The following PRKCI variants were observed in gnomAD, a reference collection of about 807,000 sequenced individuals.
PRKCI encodes protein kinase C iota, also known as protein kinase C iota type.
Under a neutral mutation model 84.0 loss-of-function variants are expected in PRKCI, and 43 were observed. The observed-to-expected ratio is 0.51, with a 90% confidence interval of 0.40 to 0.66. PRKCI has a LOEUF of 0.66. Ranked by LOEUF, PRKCI falls within the 30% of genes least tolerant of loss-of-function variation. The probability of loss-of-function intolerance (pLI) is 0.00; values close to 1 mark genes in which losing one functional copy is unlikely to be tolerated. For missense variants in PRKCI, 459 were observed against 745.6 expected (o/e 0.62, Z 4.48); for synonymous variants, 216 against 234.4 (o/e 0.92, Z 0.72).
At position 170,267,989 on chromosome 3, in the gene PRKCI, C is replaced by T. The variant is rs1733906236; in HGVS notation, c.439C>T (p.Arg147Cys). The T allele has an allele frequency of 1.2e-6, 2 of 1,611,234 alleles. No individual in the cohort carries two copies. The highest frequency in any genetic ancestry group is 1.7e-5 in the Admixed American group (1 of 59,962). Residue 147 changes from arginine (R) to cysteine (C), a missense_variant, in exon 5 of 18, where the codon CGT (arginine) becomes TGT (cysteine). Coordinates refer to ENST00000295797, the MANE Select transcript of PRKCI (RefSeq NM_002740.6). ...CAATGGCCACACTTTCCAAGCCAAG[C>T]GTTTCAACAGGGTAAACATAGTTTG... is the stretch of plus-strand genomic sequence containing the variant. ...CANGHTFQAK[R>C]FNRRAHCAIC...
intron 2 of PRKCI, among the ~76,000 whole-genome samples, chr3:170,242,597 C>T (rs1279425408): frequency 1.3e-5 from 2 of 151,808 alleles, no homozygotes; most frequent in Admixed American, 6.6e-5. Flanking sequence ...AGAACTTATA[C>T]ATTATGAATT....
At chr3:170,235,874 T>G (rs1732961692) in intron 2 of PRKCI, among the ~76,000 whole-genome samples, 1 of 152,018 alleles carries the variant, frequency 6.6e-6, no homozygotes. Context: ...CTAACTTGAC[T>G]TTTTTAAGCA....
chr3:170,280,803 G>A (rs1350728308), intron 9 of PRKCI, among the ~76,000 whole-genome samples: 1 of 152,014 alleles, frequency 6.6e-6, no homozygotes, highest in African/African-American at 2.4e-5. Flanking sequence ...ATCTCATTCT[G>A]CTTTTCTAAA....
chr3:170,304,992 T>G lies in PRKCI; in HGVS notation c.*1865T>G, dbSNP rs1371370478. On this transcript the variant is annotated 3_prime_UTR_variant, in exon 18 of 18. Transcript: ENST00000295797. Reference sequence around the variant, plus strand: ...CTCTTTCCTTCAAATAACATAAGTCTGAAAGCAATGAAAACGTCAAAGGAA... The same window carrying G: ...CTCTTTCCTTCAAATAACATAAGTCGGAAAGCAATGAAAACGTCAAAGGAA... 6.6e-6 allele frequency: 1 copy of G among 152,194 alleles called. No individual in the cohort carries two copies. 9.4% of individuals were successfully genotyped at this position (152,194 alleles called of 1,614,324 possible).
chr3:170,270,800 TCTG>T (rs1384311326), intron 6 of PRKCI, among the ~76,000 whole-genome samples: 1 of 152,170 alleles, frequency 6.6e-6, no homozygotes, highest in African/African-American at 2.4e-5. Context: ...TGTAAAATCC[TCTG>T]GTCTAAATTA....
At chr3:170,259,303 C>T (rs1236475614) in intron 2 of PRKCI, among the ~76,000 whole-genome samples, 1 of 151,566 alleles carries the variant, frequency 6.6e-6, no homozygotes, top group Non-Finnish European at 1.5e-5. Context: ...CCCAGGAGGT[C>T]GAGGCTGTAG....
Position 170,230,156 on chromosome 3 carries a change from A to G in PRKCI, c.102-5074A>G, listed in dbSNP as rs535667228. ...TCTAAAAATATTCTATTTTTCTTCT[A>G]TTATGCAACTTTTTTTTTTTTTTTT... On this transcript the variant is annotated intron_variant, in intron 1 of 17. Coordinates refer to ENST00000295797, the MANE Select transcript of PRKCI (RefSeq NM_002740.6). Among the ~76,000 whole-genome samples, 13 of 143,558 alleles carry G rather than the reference A, an allele frequency of 9.1e-5. No homozygotes were observed. The East Asian group carries it at 2.2e-3, about 25-fold the overall frequency. 94.2% of individuals were successfully genotyped at this position (143,558 alleles called of 152,430 possible).
Position 170,305,880 on chromosome 3 carries a change from A to T in PRKCI, c.*2753A>T, listed in dbSNP as rs1382572013. ...ACTTAAATCTGTTTTTATTTTTGTCATGTAGAATACTACTGTGGTCATCAT... is the reference window on the plus strand; with the variant it reads ...ACTTAAATCTGTTTTTATTTTTGTCTTGTAGAATACTACTGTGGTCATCAT... On this transcript the variant is annotated 3_prime_UTR_variant, in exon 18 of 18. Coordinates refer to ENST00000295797, the MANE Select transcript of PRKCI (RefSeq NM_002740.6). The T allele has an allele frequency of 6.0e-5, 9 of 150,046 alleles. No individual in the cohort carries two copies. The highest frequency in any genetic ancestry group is 6.0e-4 in the Admixed American group (9 of 15,074). The allele number at this position is 150,046 out of a possible 1,614,324, so 9.3% of individuals were successfully genotyped here.
At chr3:170,302,786 G>A (rs182628431) in intron 17 of PRKCI, among the ~76,000 whole-genome samples, 120 of 152,232 alleles carry the variant, frequency 7.9e-4, no homozygotes, top group African/African-American at 2.9e-3. Context: ...GACAACTGGT[G>A]TCTTTTTTAT....
In PRKCI at chr3:170,291,928, A is replaced by C. The variant is rs756884894; in HGVS notation, c.1278A>C (p.Arg426Ser). The part of the protein sequence containing the change: ...TPNYIAPEIL[R>S]GEDYGFSVDW... ...ATTACATTGCTCCTGAAATTTTAAG[A>C]GGAGAAGATTATGGTAATAAATAAA... Residue 426 changes from arginine to serine, a missense_variant, in exon 13 of 18, where the codon AGA becomes AGC. By Grantham distance (110) the Arg-to-Ser change is moderately radical (BLOSUM62 -1). Around this residue, in one of 2 missense-constraint regions of PRKCI, gnomAD observed 209 missense variants for 425.9 expected, o/e 0.49. Transcript: ENST00000295797. 1 of 1,593,692 alleles carries C rather than the reference A, an allele frequency of 6.3e-7. No individual in the cohort carries two copies. Among genetic ancestry groups the C allele is most frequent in the Admixed American group, 1.7e-5 (1 of 59,984 alleles).
chr3:170,231,652 A>T (rs1324057315), intron 1 of PRKCI, among the ~76,000 whole-genome samples: 1 of 151,876 alleles, frequency 6.6e-6, no homozygotes, highest in African/African-American at 2.4e-5. Context: ...TTTAGTAGAG[A>T]TGGGGATTCG....
rs1194363431 is a variant in PRKCI, at chr3:170,222,693, C to G, written c.24C>G (p.Ser8Arg). 6.2e-7 allele frequency: 1 copy of G among 1,607,270 alleles called. No individual in the cohort carries two copies. The highest frequency in any genetic ancestry group is 1.3e-5 in the African/African-American group (1 of 74,760). ...AGATGCCGACCCAGAGGGACAGCAG[C>G]ACCATGTCCCACACGGTCGCAGGCG... MPTQRDS[S>R]TMSHTVAGGG... The change falls in exon 1 of 18, where the codon AGC becomes AGG. Residue 8 changes from serine to arginine, a missense_variant. Physicochemically the swap from Ser to Arg is moderately radical, Grantham distance 110. Transcript: ENST00000295797.
chr3:170,257,662 AT>A (rs11362547), intron 2 of PRKCI, among the ~76,000 whole-genome samples: 80,329 of 121,778 alleles, frequency 0.66, 24,995 homozygotes, highest in Middle Eastern at 0.73. Context: ...GGGAAAGAGA[AT>A]TTTTTTTTTT....
Position 170,298,783 on chromosome 3 carries a change from C to T in PRKCI, c.1588-212C>T, listed in dbSNP as rs965398190. Among the ~76,000 whole-genome samples the T allele has an allele frequency of 5.9e-5, 9 of 152,280 alleles. No individual in the cohort carries two copies. In the South Asian group the frequency reaches 1.7e-3, roughly 28 times the overall value. ...CTTGAACTCCTGGCCTCAAGTGATC[C>T]TCCCATCTCAACCTACCAAGCGGTT... On this transcript the variant is annotated intron_variant, in intron 16 of 17. Coordinates refer to ENST00000295797, the MANE Select transcript of PRKCI (RefSeq NM_002740.6).
chr3:170,291,766 T>G (rs761360806), intron 12 of PRKCI, 88 bp from the exon 13 acceptor site: 4 of 993,524 alleles, frequency 4.0e-6, no homozygotes, highest in Non-Finnish European at 6.4e-6. Context: ...CTGCAGATGC[T>G]GAACTTATAT....
At chr3:170,245,954 T>TTTTTTTTGTTTGTTTGTTTG (rs1553837913) in intron 2 of PRKCI, among the ~76,000 whole-genome samples, 33 of 121,358 alleles carry the variant, frequency 2.7e-4, no homozygotes, top group East Asian at 1.2e-3. Context: ...TCTTTGTTTT[T>TTTTTTTTGTTTGTTTGTTTG]TTTTTTTTTT....
At chr3:170,228,772 G>T (rs1380098530) in intron 1 of PRKCI, among the ~76,000 whole-genome samples, 1 of 152,056 alleles carries the variant, frequency 6.6e-6, no homozygotes, top group East Asian at 1.9e-4. Flanking sequence ...TTTGTATCAT[G>T]TAGCCATGAA....
intron 6 of PRKCI, among the ~76,000 whole-genome samples, chr3:170,271,677 A>G (rs1734010018): frequency 6.6e-6 from 1 of 152,004 alleles, no homozygotes; most frequent in Non-Finnish European, 1.5e-5. Flanking sequence ...TATGTTCAGT[A>G]TGTTATTGTC....
chr3:170,298,580 A>AT (rs1184122117), intron 16 of PRKCI, among the ~76,000 whole-genome samples: 1 of 151,752 alleles, frequency 6.6e-6, no homozygotes, highest in African/African-American at 2.4e-5. Flanking sequence ...TAATTTCGGT[A>AT]TTTTTAGTAG....
Sources: gnomAD v4.1 joint callset for allele counts (sites outside exome capture counted in the v4.1 genomes callset) on GRCh38, gnomAD v4.1.1 for gene constraint, gnomAD v4.1.1 regional missense constraint, MANE v1.5 for transcripts, NCBI Gene and HGNC (gene_info 2026-07-23, HGNC 2026-07-21) for gene names.